The following IL1RAPL2 variants were observed in gnomAD, a reference collection of about 807,000 sequenced individuals.
IL1RAPL2 encodes X-linked interleukin-1 receptor accessory protein-like 2.
A neutral mutation model predicts 44.1 loss-of-function variants in IL1RAPL2; 3 were observed. The observed-to-expected ratio is 0.07, with a 90% CI of 0.03 to 0.18. The LOEUF (loss-of-function observed/expected upper bound fraction) is 0.18. IL1RAPL2 is among the 10% of genes least tolerant of loss of function. The pLI, the probability that IL1RAPL2 is intolerant of heterozygous loss-of-function variation, is 1.00. For synonymous variants in IL1RAPL2, 181 were observed against 178.8 expected, an observed-to-expected ratio of 1.01 and a Z score of -0.10; for missense variants, 391 against 496.4, an observed-to-expected ratio of 0.79 and a Z score of 2.02.
At chrX:104,673,511 T>C (rs1460399577) in intron 2 of IL1RAPL2, among the ~76,000 whole-genome samples, 1 of 111,312 alleles carries the variant, frequency 9.0e-6, no homozygotes, top group African/African-American at 3.3e-5. Flanking sequence ...CCTTGTAGTA[T>C]AGTTTGAAGT....
intron 1 of IL1RAPL2, among the ~76,000 whole-genome samples, chrX:104,635,119 T>A (rs1929763483): frequency 9.0e-6 from 1 of 111,421 alleles, no homozygotes; most frequent in South Asian, 3.8e-4. Flanking sequence ...TTTGGCTGGA[T>A]ATGAAATTCT....
At chrX:105,502,548 T>C (rs1432764756) in intron 6 of IL1RAPL2, among the ~76,000 whole-genome samples, 1 of 111,140 alleles carries the variant, frequency 9.0e-6, no homozygotes, top group Non-Finnish European at 1.9e-5. Flanking sequence ...GAAGGTATCG[T>C]TATTATTATA....
At chrX:105,397,243 C>A (rs957982867) in intron 5 of IL1RAPL2, among the ~76,000 whole-genome samples, 1 of 110,430 alleles carries the variant, frequency 9.1e-6, no homozygotes, top group Non-Finnish European at 1.9e-5. Context: ...AATAAACTAC[C>A]TAATAAATGT....
intron 2 of IL1RAPL2, among the ~76,000 whole-genome samples, chrX:104,721,455 C>T (rs920729393): frequency 3.6e-5 from 4 of 110,699 alleles, no homozygotes; most frequent in Middle Eastern, 4.7e-3. Context: ...CACATGTTCT[C>T]ACTTATAAGT....
intron 1 of IL1RAPL2, among the ~76,000 whole-genome samples, chrX:104,612,206 A>G (rs1929177005): frequency 8.9e-6 from 1 of 111,793 alleles, no homozygotes; most frequent in Non-Finnish European, 1.9e-5. Flanking sequence ...CCCACTTGTC[A>G]ATTTTTGTTT....
At chrX:104,948,922 G>C (rs1305448166) in intron 2 of IL1RAPL2, among the ~76,000 whole-genome samples, 2 of 110,177 alleles carry the variant, frequency 1.8e-5, no homozygotes, top group African/African-American at 6.6e-5. Flanking sequence ...TCAGGATGAT[G>C]CTGGCCTCAT....
intron 2 of IL1RAPL2, among the ~76,000 whole-genome samples, chrX:104,989,373 A>G (rs1049898838): frequency 2.7e-5 from 3 of 111,956 alleles, no homozygotes; most frequent in Non-Finnish European, 5.6e-5. Flanking sequence ...ACCAACTCAG[A>G]TTGCATGGTT....
intron 6 of IL1RAPL2, among the ~76,000 whole-genome samples, chrX:105,603,863 T>G (rs2037272902): frequency 9.0e-6 from 1 of 111,420 alleles, no homozygotes; most frequent in African/African-American, 3.3e-5. Flanking sequence ...CAAGAAAAAC[T>G]TTGGAAATTG....
intron 2 of IL1RAPL2, among the ~76,000 whole-genome samples, chrX:105,179,833 G>A (rs781884219): frequency 8.4e-5 from 9 of 107,496 alleles, no homozygotes; most frequent in African/African-American, 2.4e-4. Flanking sequence ...TTTGCACACC[G>A]ATTGCGTAAC....
At chrX:104,826,938 C>CTTTTTTTTTTTTTTTTTT (rs1176113214) in intron 2 of IL1RAPL2, among the ~76,000 whole-genome samples, 19 of 34,868 alleles carry the variant, frequency 5.4e-4, no homozygotes, top group Admixed American at 7.2e-4. Context: ...GCAACCCCTG[C>CTTTTTTTTTTTTTTTTTT]TTTTTTTTTT....
chrX:105,755,488 T>A, intron 10 of IL1RAPL2, 141 bp downstream of exon 10: 1 of 392,625 alleles, frequency 2.5e-6, no homozygotes, highest in Non-Finnish European at 4.4e-6. Context: ...CCCATATGCC[T>A]GTGTTCTGAC....
intron 5 of IL1RAPL2, among the ~76,000 whole-genome samples, chrX:105,437,382 A>C (rs1031867381): frequency 4.5e-5 from 5 of 111,134 alleles, no homozygotes; most frequent in East Asian, 2.8e-4. Flanking sequence ...CATGTTTATT[A>C]GATCTCAGTG....
intron 2 of IL1RAPL2, among the ~76,000 whole-genome samples, chrX:104,661,546 T>C (rs1411860776): frequency 2.7e-5 from 3 of 111,457 alleles, no homozygotes; most frequent in African/African-American, 6.5e-5. Flanking sequence ...GCAGTTCTTT[T>C]CAACTCTACC....
chrX:104,804,166 C>T (rs1932904776), intron 2 of IL1RAPL2: 1 of 112,196 alleles, frequency 8.9e-6, no homozygotes, highest in African/African-American at 3.2e-5. Flanking sequence ...TGCACCACAA[C>T]TCATGCAGTG....
At chrX:105,267,933 A>G (rs1023160621) in intron 5 of IL1RAPL2, among the ~76,000 whole-genome samples, 1 of 111,759 alleles carries the variant, frequency 8.9e-6, no homozygotes, top group Admixed American at 9.5e-5. Flanking sequence ...TTGGAATGAA[A>G]TCTTCTTAGA....
At chrX:104,842,042 G>C (rs1921916947) in intron 2 of IL1RAPL2, among the ~76,000 whole-genome samples, 1 of 109,157 alleles carries the variant, frequency 9.2e-6, no homozygotes, top group Admixed American at 9.8e-5. Flanking sequence ...TCGCAGGTTT[G>C]GTTTTTTCAC....
At chrX:105,127,906 C>T (rs1395649988) in intron 2 of IL1RAPL2, among the ~76,000 whole-genome samples, 1 of 110,715 alleles carries the variant, frequency 9.0e-6, no homozygotes, top group Non-Finnish European at 1.9e-5. Flanking sequence ...AGAAAACAGC[C>T]AGAGTATACA....
chrX:105,356,084 G>A (rs2035200153), intron 5 of IL1RAPL2, among the ~76,000 whole-genome samples: 1 of 110,611 alleles, frequency 9.0e-6, no homozygotes, highest in Non-Finnish European at 1.9e-5. Context: ...TACATTTCAA[G>A]GTAATAAAAA....
chrX:105,070,712 A>G (rs7883033), intron 2 of IL1RAPL2, among the ~76,000 whole-genome samples: 2 of 106,110 alleles, frequency 1.9e-5, no homozygotes, highest in Admixed American at 2.0e-4. Flanking sequence ...AAAATAAAAA[A>G]ATATATATAT....
Sources: gnomAD v4.1 joint callset for allele counts (sites outside exome capture counted in the v4.1 genomes callset) on GRCh38, gnomAD v4.1.1 for gene constraint, MANE v1.5 for transcripts, NCBI Gene and HGNC (gene_info 2026-07-23, HGNC 2026-07-21) for gene names.